Variants in APCDD1L observed in about 807,000 individuals in gnomAD.
The protein encoded by APCDD1L is protein APCDD1-like.
In APCDD1L, 21 loss-of-function variants were observed where a neutral mutation model predicts 24.2. That is an observed-to-expected ratio of 0.87 (90% CI 0.61 to 1.25). The LOEUF is 1.25. APCDD1L is among the 50% of genes most tolerant of loss of function. APCDD1L has a pLI of 0.00. For missense variants in APCDD1L, 704 were observed against 711.7 expected, an observed-to-expected ratio of 0.99 and a Z score of 0.12; for synonymous variants, 321 against 323.6, an observed-to-expected ratio of 0.99 and a Z score of 0.09.
At chr20:58,493,528 G>A (rs1990263619) in intron 1 of APCDD1L, among the ~76,000 whole-genome samples, 1 of 152,194 alleles carries the variant, frequency 6.6e-6, no homozygotes, top group Admixed American at 6.5e-5. Flanking sequence ...AGTGAAAATG[G>A]AGGAACTACA....
At position 58,471,861 on chromosome 20, in the gene APCDD1L, C is replaced by T. The variant is rs374451804; in HGVS notation, c.50-1114G>A. ...AGCTTCCAAGCATGGCTCTTCCCAC[C>T]CAGCCTGGGGCTGGAGTGGGTCAGG... On this transcript the variant is annotated intron_variant, in intron 1 of 3. Coordinates refer to ENST00000371149, the MANE Select transcript of APCDD1L (RefSeq NM_153360.3). Among the ~76,000 whole-genome samples, 17 of 152,296 alleles carry T rather than the reference C, an allele frequency of 1.1e-4. No individual in the cohort carries two copies. In the South Asian group the frequency reaches 2.5e-3, roughly 22 times the overall value.
rs1990559144 is a variant in APCDD1L at position 58,508,301 on chromosome 20, C to T, written c.49+6358G>A. 1.3e-5 allele frequency among the ~76,000 whole-genome samples: 2 copies of T among 152,260 alleles called. No homozygotes were observed. Among genetic ancestry groups the T allele is most frequent in the Middle Eastern group, 3.4e-3 (1 of 294 alleles). ...TTCCAGCCCAGCAGCCACTATCCTC[C>T]CTAAGAAGAAAGAGAGGTTATCTGT... On this transcript the variant is annotated intron_variant, in intron 1 of 3. Coordinates refer to ENST00000371149, the MANE Select transcript of APCDD1L (RefSeq NM_153360.3). The surrounding 1 kb of genome is among the most constrained non-coding windows in gnomAD (Gnocchi z 4.0).
chr20:58,467,369 G>C lies in APCDD1L; in HGVS notation c.478C>G (p.Arg160Gly), dbSNP rs758650859. 3.4e-6 allele frequency: 5 copies of C among 1,477,656 alleles called. No individual in the cohort carries two copies. The highest frequency in any genetic ancestry group is 4.5e-6 in the Non-Finnish European group (5 of 1,122,438). The allele number at this position is 1,477,656 out of a possible 1,614,324, so 91.5% of individuals were successfully genotyped here. A position where few individuals can be genotyped will look rare whatever the true frequency, so the allele number is the denominator to read the frequency against. The change falls in exon 3 of 4, where the codon CGG becomes GGG. Residue 160 changes from arginine to glycine, a missense_variant. By Grantham distance (125) the Arg-to-Gly change is moderately radical. Coordinates refer to ENST00000371149, the MANE Select transcript of APCDD1L (RefSeq NM_153360.3). The surrounding 1 kb of genome is among the most constrained non-coding windows in gnomAD (Gnocchi z 5.9). ...NQTRAGRDCA[R>G]RLPPARAWLP... ...CAGGCCCGGGCCGGAGGCAGCCGCC[G>C]CGCGCAGTCCCGGCCGGCGCGGGTC...
Position 58,461,103 on chromosome 20 carries a change from C to T in APCDD1L, c.1193G>A (p.Gly398Asp), listed in dbSNP as rs754359933. The change falls in exon 4 of 4, where the codon GGC (glycine) becomes GAC (aspartate). Residue 398 changes from glycine (G) to aspartate (D), a missense_variant. Gly to Asp is a moderately conservative substitution (Grantham distance 94). Coordinates refer to ENST00000371149, the MANE Select transcript of APCDD1L (RefSeq NM_153360.3). The surrounding 1 kb of genome is among the most constrained non-coding windows in gnomAD (Gnocchi z 6.0). ...GTERDVTATN[G>D]CLPLGIRLPH... is the part of the protein sequence containing the mutation. ...GAGCCGGATGCCCAGCGGTAGGCAG[C>T]CGTTGGTGGCTGTGACATCCCGCTC... 6.2e-7 allele frequency: 1 copy of T among 1,613,982 alleles called. No homozygotes were observed.
At chr20:58,500,834 A>G (rs1990421762) in intron 1 of APCDD1L, among the ~76,000 whole-genome samples, 1 of 152,134 alleles carries the variant, frequency 6.6e-6, no homozygotes, top group Non-Finnish European at 1.5e-5. Context: ...CCCACTAGCC[A>G]GTTGCCCAGT....
intron 1 of APCDD1L, among the ~76,000 whole-genome samples, chr20:58,482,056 C>T (rs1990035074): frequency 6.6e-6 from 1 of 152,158 alleles, no homozygotes; most frequent in Admixed American, 6.5e-5. Context: ...GACACATATA[C>T]GGGGGCCTTT....
intron 1 of APCDD1L, among the ~76,000 whole-genome samples, chr20:58,475,330 G>A (rs1020793632): frequency 6.6e-6 from 1 of 152,190 alleles, no homozygotes; most frequent in South Asian, 2.1e-4. Flanking sequence ...GATTTCAGGC[G>A]CGAAGCGAGC....
chr20:58,512,305 C>T (rs778483837), intron 1 of APCDD1L, among the ~76,000 whole-genome samples: 1 of 152,208 alleles, frequency 6.6e-6, no homozygotes. Context: ...TTGACGGATT[C>T]GTCTGAAAAA....
intron 1 of APCDD1L, among the ~76,000 whole-genome samples, chr20:58,512,476 C>A (rs1043902492): frequency 2.0e-5 from 3 of 152,116 alleles, no homozygotes; most frequent in Non-Finnish European, 2.9e-5. Context: ...CTGCTAAGCA[C>A]CCCAAAATGC....
At chr20:58,488,361 C>A (rs1990164415) in intron 1 of APCDD1L, among the ~76,000 whole-genome samples, 1 of 152,114 alleles carries the variant, frequency 6.6e-6, no homozygotes, top group Admixed American at 6.5e-5. Flanking sequence ...GACTAATGTA[C>A]ACACACACTC....
In APCDD1L at chr20:58,508,914, G is replaced by A. The variant is rs372883853; in HGVS notation, c.49+5745C>T. Reference sequence around the variant, plus strand: ...ACTGGGAAAGACTGTGTGCACATGCGTGAGTGTGCATGAGTGTGCGTGAGT... The same window carrying A: ...ACTGGGAAAGACTGTGTGCACATGCATGAGTGTGCATGAGTGTGCGTGAGT... On this transcript the variant is annotated intron_variant, in intron 1 of 3. Coordinates refer to ENST00000371149, the MANE Select transcript of APCDD1L (RefSeq NM_153360.3). The surrounding 1 kb of genome is among the most constrained non-coding windows in gnomAD (Gnocchi z 4.0). Among the ~76,000 whole-genome samples, 117 of 152,240 alleles carry A rather than the reference G, an allele frequency of 7.7e-4. 1 individual carries two copies. The highest frequency in any genetic ancestry group is 2.6e-3 in the African/African-American group (109 of 41,550).
In APCDD1L at chr20:58,497,448, A is replaced by G. The variant is rs917942925; in HGVS notation, c.49+17211T>C. Among the ~76,000 whole-genome samples, 2 of 152,010 alleles carry G rather than the reference A, an allele frequency of 1.3e-5. No homozygotes were observed. The highest frequency in any genetic ancestry group is 6.5e-5 in the Admixed American group (1 of 15,268). ...CATTCTCATCCTGCTGGAGGCCATG[A>G]GTCTGGGCTCATGAGTCTGGGCTCA... On this transcript the variant is annotated intron_variant, in intron 1 of 3. Coordinates refer to ENST00000371149, the MANE Select transcript of APCDD1L (RefSeq NM_153360.3). This position sits in a 1 kb window ranked among gnomAD's most constrained non-coding sequence, Gnocchi z 4.3.
chr20:58,505,861 G>A (rs1003943219), intron 1 of APCDD1L, among the ~76,000 whole-genome samples: 2 of 152,182 alleles, frequency 1.3e-5, no homozygotes, highest in African/African-American at 4.8e-5. Flanking sequence ...GAGACACAGT[G>A]ATAGAGACAC....
At chr20:58,501,409 G>A (rs1012939740) in intron 1 of APCDD1L, among the ~76,000 whole-genome samples, 4 of 152,106 alleles carry the variant, frequency 2.6e-5, no homozygotes, top group Non-Finnish European at 4.4e-5. Flanking sequence ...TTGGACACAC[G>A]GAGAGACACC....
intron 1 of APCDD1L, among the ~76,000 whole-genome samples, chr20:58,504,513 G>A (rs1990498715): frequency 6.6e-6 from 1 of 152,188 alleles, no homozygotes; most frequent in African/African-American, 2.4e-5. Context: ...ATAAATAGCA[G>A]TACCTAAACC....
At position 58,470,744 on chromosome 20, in the gene APCDD1L, T is replaced by G; in HGVS notation, c.53A>C (p.His18Pro). Residue 18 changes from histidine (H) to proline (P), a missense_variant, in exon 2 of 4, where the codon CAC (histidine) becomes CCC (proline). Coordinates refer to ENST00000371149, the MANE Select transcript of APCDD1L (RefSeq NM_153360.3). The part of the protein sequence containing the change: ...YACVLVLLGA[H>P]TAPAAGEAGG... ...GGCCTCCCCAGCCGCCGGTGCAGTG[T>G]GGGCTGCAAAGCAGACAGACCTGGG... is the stretch of plus-strand genomic sequence containing the variant. 1.3e-6 allele frequency: 2 copies of G among 1,536,160 alleles called. No individual in the cohort carries two copies. The highest frequency in any genetic ancestry group is 2.4e-5 in the South Asian group (2 of 83,746).
intron 2 of APCDD1L, among the ~76,000 whole-genome samples, chr20:58,470,349 T>G (rs1980575): frequency 0.4 from 60,404 of 152,132 alleles, 12,460 homozygotes; most frequent in African/African-American, 0.48. Flanking sequence ...TGCTGACCCC[T>G]GGCACTTAGC....
chr20:58,514,760 G>A lies in APCDD1L; in HGVS notation c.-53C>T, dbSNP rs965861704. The A allele has an allele frequency of 2.4e-6, 3 of 1,259,206 alleles. No homozygotes were observed. Among genetic ancestry groups the A allele is most frequent in the African/African-American group, 3.1e-5 (2 of 65,566 alleles). 78.0% of individuals were successfully genotyped at this position (1,259,206 alleles called of 1,614,324 possible). On this transcript the variant is annotated 5_prime_UTR_variant, in exon 1 of 4. Transcript: ENST00000371149. ...CGGGCGCTGCCACGGTGCGCAAGGG[G>A]AGGCGCGGGCGCAGGGCTCTCGGAC...
rs1170152066 is a variant in APCDD1L, at chr20:58,459,547, T to C, written c.*1243A>G. 2 of 152,332 alleles carry C rather than the reference T, an allele frequency of 1.3e-5. No homozygotes were observed. Among genetic ancestry groups the C allele is most frequent in the East Asian group, 1.9e-4 (1 of 5,194 alleles). 9.4% of individuals were successfully genotyped at this position (152,332 alleles called of 1,614,324 possible). A position where few individuals can be genotyped will look rare whatever the true frequency, so the allele number is the denominator to read the frequency against. ...GGAGGAGGAAGGAGGGGGTGAGTCA[T>C]TGGCCCCCAGTCCTGAAAACCCTTG... On this transcript the variant is annotated 3_prime_UTR_variant, in exon 4 of 4. Coordinates refer to ENST00000371149, the MANE Select transcript of APCDD1L (RefSeq NM_153360.3).
Sources: gnomAD v4.1 joint callset for allele counts (sites outside exome capture counted in the v4.1 genomes callset) on GRCh38, gnomAD v4.1.1 for gene constraint, Gnocchi (gnomAD v3.1) non-coding constraint, MANE v1.5 for transcripts, NCBI Gene and HGNC (gene_info 2026-07-23, HGNC 2026-07-21) for gene names.